Variants in ADGRL2 observed in about 807,000 individuals in gnomAD.
ADGRL2 encodes calcium-independent alpha-latrotoxin receptor 2.
A neutral mutation model predicts 157.4 loss-of-function variants in ADGRL2; 44 were observed. The observed-to-expected ratio is 0.28, with a 90% CI of 0.22 to 0.36. ADGRL2 has a LOEUF of 0.36. Among genes scored for constraint, ADGRL2 ranks in the 10% least tolerant of loss-of-function variants. ADGRL2 has a pLI of 1.00. For missense variants in ADGRL2, 1,510 were observed against 1,768.9 expected (o/e 0.85, Z 2.63); for synonymous variants, 585 against 624.7 (o/e 0.94, Z 0.95).
intron 1 of ADGRL2, among the ~76,000 whole-genome samples, chr1:81,401,968 T>C (rs1453367158): frequency 1.3e-5 from 2 of 151,784 alleles, no homozygotes; most frequent in African/African-American, 4.9e-5. Flanking sequence ...CTCTAAAGGA[T>C]TAAAATTAGT....
intron 2 of ADGRL2, among the ~76,000 whole-genome samples, chr1:81,852,445 T>G (rs1205154885): frequency 6.6e-6 from 1 of 152,132 alleles, no homozygotes; most frequent in African/African-American, 2.4e-5. Flanking sequence ...AAAAAAATTT[T>G]TAAAAAGCTG....
chr1:81,928,805 A>G (rs2148725281), intron 3 of ADGRL2, among the ~76,000 whole-genome samples: 1 of 152,212 alleles, frequency 6.6e-6, no homozygotes, highest in Non-Finnish European at 1.5e-5. Flanking sequence ...CACTATGAAA[A>G]GGAGTGTCAT....
At chr1:81,625,634 C>A (rs187795244) in intron 3 of ADGRL2, 6 of 152,212 alleles carry the variant, frequency 3.9e-5, no homozygotes, top group Admixed American at 3.9e-4. Context: ...CTAGGAAAAA[C>A]CAATTCTTAA....
At chr1:81,356,813 C>A (rs7554708) in intron 1 of ADGRL2, among the ~76,000 whole-genome samples, 2 of 151,090 alleles carry the variant, frequency 1.3e-5, no homozygotes, top group Non-Finnish European at 3.0e-5. Flanking sequence ...ATTAGCCGAG[C>A]GTGGTGGTGG....
At chr1:81,637,025 G>T (rs1353147329) in intron 3 of ADGRL2, among the ~76,000 whole-genome samples, 1 of 151,974 alleles carries the variant, frequency 6.6e-6, no homozygotes, top group Non-Finnish European at 1.5e-5. Flanking sequence ...TAGTAGATTT[G>T]GGGTTTCACC....
chr1:81,532,250 A>G (rs2079618126), intron 2 of ADGRL2, among the ~76,000 whole-genome samples: 1 of 152,156 alleles, frequency 6.6e-6, no homozygotes, highest in Admixed American at 6.6e-5. Flanking sequence ...TGTTCAAAAT[A>G]TTATACATAA....
chr1:81,480,605 A>T (rs1275611697), intron 2 of ADGRL2, among the ~76,000 whole-genome samples: 1 of 152,186 alleles, frequency 6.6e-6, no homozygotes, highest in Non-Finnish European at 1.5e-5. Flanking sequence ...AGGGAAAGGA[A>T]GTATACATTT....
intron 3 of ADGRL2, among the ~76,000 whole-genome samples, chr1:81,613,064 A>G (rs1570638550): frequency 6.6e-6 from 1 of 152,216 alleles, no homozygotes; most frequent in African/African-American, 2.4e-5. Context: ...GTATAATAGT[A>G]TAATTTTAAA....
intron 3 of ADGRL2, among the ~76,000 whole-genome samples, chr1:81,594,650 T>G (rs574453003): frequency 5.8e-4 from 88 of 152,350 alleles, no homozygotes; most frequent in African/African-American, 2.1e-3. Flanking sequence ...TTCTCACACT[T>G]ATCAGGTGAA....
At chr1:81,533,675 A>G (rs1313021451) in intron 2 of ADGRL2, among the ~76,000 whole-genome samples, 2 of 152,264 alleles carry the variant, frequency 1.3e-5, no homozygotes, top group Non-Finnish European at 2.9e-5. Flanking sequence ...CAATCTTAAT[A>G]TCAGCTACAT....
chr1:81,901,252 A>G (rs2094480630), intron 2 of ADGRL2, among the ~76,000 whole-genome samples: 1 of 152,226 alleles, frequency 6.6e-6, no homozygotes, highest in African/African-American at 2.4e-5. Context: ...TTCAAAAATC[A>G]AAGTAAAACT....
intron 2 of ADGRL2, among the ~76,000 whole-genome samples, chr1:81,460,698 T>G (rs891774043): frequency 6.6e-6 from 1 of 152,194 alleles, no homozygotes; most frequent in African/African-American, 2.4e-5. Context: ...CCCCTTTTAC[T>G]TTATTAACAA....
At chr1:81,936,666 T>A (rs374194726) in intron 3 of ADGRL2, 62 bp from the exon 4 acceptor site, 1 of 956,920 alleles carries the variant, frequency 1.0e-6, no homozygotes, top group East Asian at 2.5e-5. Flanking sequence ...TTCTATGTTA[T>A]ATTTAAGTGA....
At chr1:81,598,353 A>T (rs2148620822) in intron 3 of ADGRL2, among the ~76,000 whole-genome samples, 1 of 152,328 alleles carries the variant, frequency 6.6e-6, no homozygotes, top group Admixed American at 6.5e-5. Flanking sequence ...CTCAAAGTGT[A>T]GGTTAGGAAA....
At chr1:81,884,992 T>C (rs1436170986) in intron 2 of ADGRL2, among the ~76,000 whole-genome samples, 2 of 152,180 alleles carry the variant, frequency 1.3e-5, no homozygotes, top group African/African-American at 4.8e-5. Flanking sequence ...AACAAGTGTC[T>C]TTAATGGATT....
At chr1:81,333,656 TCCA>T (rs1461336399) in intron 1 of ADGRL2, among the ~76,000 whole-genome samples, 1 of 151,160 alleles carries the variant, frequency 6.6e-6, no homozygotes, top group Non-Finnish European at 1.5e-5. Flanking sequence ...GACCTTGTGA[TCCA>T]CCCACCTTGG....
intron 2 of ADGRL2, among the ~76,000 whole-genome samples, chr1:81,538,797 G>A (rs1260716707): frequency 6.6e-6 from 1 of 152,064 alleles, no homozygotes; most frequent in Non-Finnish European, 1.5e-5. Flanking sequence ...TTGAGCTCAG[G>A]AGTTCAAGAC....
chr1:81,400,767 C>T (rs1441996929), intron 1 of ADGRL2, among the ~76,000 whole-genome samples: 2 of 152,074 alleles, frequency 1.3e-5, no homozygotes, highest in African/African-American at 2.4e-5. Context: ...GCAATGACTC[C>T]ACTCCCTAGA....
intron 2 of ADGRL2, among the ~76,000 whole-genome samples, chr1:81,576,682 G>A (rs1338398341): frequency 1.3e-5 from 2 of 152,064 alleles, no homozygotes; most frequent in Non-Finnish European, 2.9e-5. Flanking sequence ...GTGTTCTGCA[G>A]CTTGCAACAT....
Sources: allele counts gnomAD v4.1 joint callset (sites outside exome capture counted in the v4.1 genomes callset), GRCh38; gene constraint gnomAD v4.1.1; transcripts MANE v1.5; gene names NCBI Gene and HGNC (gene_info 2026-07-23, HGNC 2026-07-21).